The following GRID2IP variants were observed in gnomAD, a reference collection of about 807,000 sequenced individuals.
GRID2IP encodes the protein delphilin.
A neutral mutation model predicts 114.3 loss-of-function variants in GRID2IP; 78 were observed. That is an observed-to-expected ratio of 0.68 (90% CI 0.57 to 0.82). GRID2IP has a LOEUF of 0.82. GRID2IP is among the 40% of genes least tolerant of loss of function. GRID2IP has a pLI of 0.00. For synonymous variants in GRID2IP, 809 were observed against 724.0 expected (o/e 1.12, Z -1.89); for missense variants, 1,727 against 1,678.5 (o/e 1.03, Z -0.51).
chr7:6,548,513 G>T (rs1262446546), intron 1 of GRID2IP, among the ~76,000 whole-genome samples: 1 of 151,704 alleles, frequency 6.6e-6, no homozygotes, highest in Non-Finnish European at 1.5e-5. Context: ...ACACGTATTA[G>T]GTACCCACAA....
chr7:6,550,656 C>T (rs55849620), intron 1 of GRID2IP, among the ~76,000 whole-genome samples: 2,125 of 79,552 alleles, frequency 0.027, 55 homozygotes, highest in African/African-American at 0.11. Flanking sequence ...ACTAAAAATA[C>T]CAAAAAAAAA....
At position 6,506,962 on chromosome 7, in the gene GRID2IP, C is replaced by T. The variant is rs370958514; in HGVS notation, c.2544+1023G>A. Among the ~76,000 whole-genome samples, 47 of 152,174 alleles carry T rather than the reference C, an allele frequency of 3.1e-4. 1 individual carries two copies. In the East Asian group the frequency reaches 8.3e-3, roughly 27 times the overall value. On this transcript the variant is annotated intron_variant, in intron 13 of 21. Coordinates refer to ENST00000457091, the MANE Select transcript of GRID2IP (RefSeq NM_001145118.2). This position sits in a 1 kb window ranked among gnomAD's most constrained non-coding sequence, Gnocchi z 5.2. ...CCTCCCAAAGTGCTGGGATTACAGG[C>T]GTGAACCACCAAGCCTGGCCTCAAT...
intron 1 of GRID2IP, among the ~76,000 whole-genome samples, chr7:6,548,000 T>C (rs1248191850): frequency 6.6e-6 from 1 of 152,228 alleles, no homozygotes; most frequent in Non-Finnish European, 1.5e-5. Flanking sequence ...AGGAAAAGTC[T>C]GTGAGCTTGA....
At chr7:6,540,003 T>A in intron 1 of GRID2IP, 131 bp from the exon 2 acceptor site, 1 of 669,410 alleles carries the variant, frequency 1.5e-6, no homozygotes, top group Non-Finnish European at 2.5e-6. Context: ...ACCTGAGTGC[T>A]ATGCCCATAT....
In GRID2IP at chr7:6,503,499, C is replaced by T. The variant is rs1391097431; in HGVS notation, c.2899G>A (p.Val967Ile). ...PGRLSEPDQF[V>I]LQMLSVPEYK... is the part of the protein sequence containing the mutation. The stretch of plus-strand genomic sequence containing the variant: ...GGTTGTGGTCGCGGCACCTGCAGGA[C>T]GAACTGGTCCGGCTCGCTGAGGCGG... The change falls in exon 16 of 22, where the codon GTC becomes ATC. Residue 967 changes from valine (V) to isoleucine (I), a missense_variant. By Grantham distance (29) the Val-to-Ile change is conservative. Coordinates refer to ENST00000457091, the MANE Select transcript of GRID2IP (RefSeq NM_001145118.2). 3 of 1,524,236 alleles carry T rather than the reference C, an allele frequency of 2.0e-6. No individual in the cohort carries two copies. The highest frequency in any genetic ancestry group is 2.6e-6 in the Non-Finnish European group (3 of 1,142,600). The allele number at this position is 1,524,236 out of a possible 1,614,324, so 94.4% of individuals were successfully genotyped here. A position where few individuals can be genotyped will look rare whatever the true frequency, so the allele number is the denominator to read the frequency against.
Position 6,528,289 on chromosome 7 carries a change from A to C in GRID2IP, c.585-1520T>G, listed in dbSNP as rs1779554982. On this transcript the variant is annotated intron_variant, in intron 2 of 21. Transcript: ENST00000457091. This position sits in a 1 kb window ranked among gnomAD's most constrained non-coding sequence, Gnocchi z 6.0. The stretch of plus-strand genomic sequence containing the variant: ...ACATAGGAGAGACTCAGTCAACAGG[A>C]GATCCACCAGCAGCCTAACCCCATC... Among the ~76,000 whole-genome samples the C allele has an allele frequency of 3.3e-5, 5 of 152,174 alleles. No homozygotes were observed. The South Asian group carries it at 8.3e-4, about 25-fold the overall frequency.
rs1373953139 is a variant in GRID2IP at position 6,534,561 on chromosome 7, A to G, written c.584+5157T>C. 6.6e-6 allele frequency among the ~76,000 whole-genome samples: 1 copy of G among 152,196 alleles called. No individual in the cohort carries two copies. Among genetic ancestry groups the G allele is most frequent in the Non-Finnish European group, 1.5e-5 (1 of 68,040 alleles). Reference sequence around the variant, plus strand: ...TTACAGCAGCAGCGCTGTCCAAGGGAACGTTCTGTGACGATGGACAAGGTC... The same window carrying G: ...TTACAGCAGCAGCGCTGTCCAAGGGGACGTTCTGTGACGATGGACAAGGTC... On this transcript the variant is annotated intron_variant, in intron 2 of 21. Transcript: ENST00000457091. The surrounding 1 kb of genome is among the most constrained non-coding windows in gnomAD (Gnocchi z 4.5).
Position 6,516,117 on chromosome 7 carries a change from T to A in GRID2IP, c.1269-1588A>T, listed in dbSNP as rs78415667. Among the ~76,000 whole-genome samples the A allele has an allele frequency of 4.8e-4, 31 of 64,748 alleles. No individual in the cohort carries two copies. The South Asian group carries it at 8.4e-3, about 18-fold the overall frequency. The allele number at this position is 64,748 out of a possible 152,430, so 42.5% of individuals were successfully genotyped here. On this transcript the variant is annotated intron_variant, in intron 7 of 21. Transcript: ENST00000457091. This position sits in a 1 kb window ranked among gnomAD's most constrained non-coding sequence, Gnocchi z 4.3. Reference sequence around the variant, plus strand: ...GTCTCAAAATAATAATAATAAAAAATAAATAAATAAATAAATAAAAATAAA... The same window carrying A: ...GTCTCAAAATAATAATAATAAAAAAAAAATAAATAAATAAATAAAAATAAA...
At position 6,506,769 on chromosome 7, in the gene GRID2IP, C is replaced by T. The variant is rs1786604453; in HGVS notation, c.2545-862G>A. Among the ~76,000 whole-genome samples the T allele has an allele frequency of 6.6e-6, 1 of 151,656 alleles. No individual in the cohort carries two copies. Among genetic ancestry groups the T allele is most frequent in the Admixed American group, 6.6e-5 (1 of 15,194 alleles). Reference sequence around the variant, plus strand: ...CCATCTTGGCTCACTGCAACCTCCACCTGTGGGAATCAAGTGATTCTCCCT... The same window carrying T: ...CCATCTTGGCTCACTGCAACCTCCATCTGTGGGAATCAAGTGATTCTCCCT... On this transcript the variant is annotated intron_variant, in intron 13 of 21. Transcript: ENST00000457091. The surrounding 1 kb of genome is among the most constrained non-coding windows in gnomAD (Gnocchi z 5.2).
intron 2 of GRID2IP, among the ~76,000 whole-genome samples, chr7:6,529,745 C>G (rs578096629): frequency 1.3e-5 from 2 of 152,244 alleles, no homozygotes; most frequent in South Asian, 4.1e-4. Context: ...GAGTGGCAGT[C>G]CAGCAATCAC....
At chr7:6,543,470 A>AC (rs1384942539) in intron 1 of GRID2IP, among the ~76,000 whole-genome samples, 1 of 150,904 alleles carries the variant, frequency 6.6e-6, no homozygotes, top group African/African-American at 2.4e-5. Flanking sequence ...CCCAGTCTCC[A>AC]CCCCTTTCTT....
intron 4 of GRID2IP, among the ~76,000 whole-genome samples, chr7:6,522,433 G>C (rs1403329937): frequency 1.2e-4 from 19 of 152,052 alleles, no homozygotes; most frequent in Non-Finnish European, 4.4e-5. Context: ...ACTGTTCTTA[G>C]CCCCACACAG....
chr7:6,505,940 G>A lies in GRID2IP; in HGVS notation c.2545-33C>T, dbSNP rs1786570262. On this transcript the variant is annotated intron_variant, in intron 13 of 21. Coordinates refer to ENST00000457091, the MANE Select transcript of GRID2IP (RefSeq NM_001145118.2). ...GGAGGATGGGAGGTTCAGAGTAGGA[G>A]GAGCAGCAGCAGCTGGACTGGCCTC... The A allele has an allele frequency of 3.4e-6, 5 of 1,456,102 alleles. No individual in the cohort carries two copies. The South Asian group carries it at 6.1e-5, about 18-fold the overall frequency. 90.2% of individuals were successfully genotyped at this position (1,456,102 alleles called of 1,614,324 possible).
rs1786705307 is a variant in GRID2IP, at chr7:6,509,664, C to T, written c.1772-351G>A. On this transcript the variant is annotated intron_variant, in intron 11 of 21. Transcript: ENST00000457091. This position sits in a 1 kb window ranked among gnomAD's most constrained non-coding sequence, Gnocchi z 4.9. ...GTCATGGAGCGTCTCGCGCACCCAG[C>T]AAGCCCTGAGATCACAGGAGGGCCT... 6.6e-6 allele frequency among the ~76,000 whole-genome samples: 1 copy of T among 152,204 alleles called. No homozygotes were observed. The highest frequency in any genetic ancestry group is 2.1e-4 in the South Asian group (1 of 4,830).
chr7:6,507,234 G>T lies in GRID2IP; in HGVS notation c.2544+751C>A, dbSNP rs1181740329. On this transcript the variant is annotated intron_variant, in intron 13 of 21. Transcript: ENST00000457091. The surrounding 1 kb of genome is among the most constrained non-coding windows in gnomAD (Gnocchi z 5.3). ...GCCCCTGCCATATTAAAAGGAGTATGATGTCCCAGTCAAAGGAGCTGAGAA... is the reference window on the plus strand; with the variant it reads ...GCCCCTGCCATATTAAAAGGAGTATTATGTCCCAGTCAAAGGAGCTGAGAA... 2.0e-5 allele frequency among the ~76,000 whole-genome samples: 3 copies of T among 152,242 alleles called. No individual in the cohort carries two copies. The highest frequency in any genetic ancestry group is 7.2e-5 in the African/African-American group (3 of 41,474).
intron 18 of GRID2IP, among the ~76,000 whole-genome samples, chr7:6,502,420 T>C (rs1306733504): frequency 1.3e-5 from 2 of 152,164 alleles, no homozygotes; most frequent in Non-Finnish European, 2.9e-5. Flanking sequence ...CTAGCTATGT[T>C]GTCCAGGCTA....
rs752157285 is a variant in GRID2IP at position 6,528,588 on chromosome 7, G to A, written c.585-1819C>T. Among the ~76,000 whole-genome samples the A allele has an allele frequency of 6.6e-6, 1 of 152,228 alleles. No individual in the cohort carries two copies. Among genetic ancestry groups the A allele is most frequent in the Admixed American group, 6.5e-5 (1 of 15,276 alleles). Reference sequence around the variant, plus strand: ...TGCCAGGGCCAAGGGCAAGATGAGGGGGAGAAGGGAGAAGGGATCAGTGGC... The same window carrying A: ...TGCCAGGGCCAAGGGCAAGATGAGGAGGAGAAGGGAGAAGGGATCAGTGGC... On this transcript the variant is annotated intron_variant, in intron 2 of 21. Transcript: ENST00000457091. This position sits in a 1 kb window ranked among gnomAD's most constrained non-coding sequence, Gnocchi z 6.0.
Position 6,521,384 on chromosome 7 carries a change from G to C in GRID2IP, c.1084+45C>G. On this transcript the variant is annotated intron_variant, in intron 6 of 21. Transcript: ENST00000457091. This position sits in a 1 kb window ranked among gnomAD's most constrained non-coding sequence, Gnocchi z 4.1. The stretch of plus-strand genomic sequence containing the variant: ...ACTCTCACATATAGCAGCCTGGGCA[G>C]GGTCTCTGGGGGCCAAGGAAGCCAA... 1.5e-6 allele frequency: 2 copies of C among 1,363,344 alleles called. No individual in the cohort carries two copies. Among genetic ancestry groups the C allele is most frequent in the Non-Finnish European group, 2.0e-6 (2 of 996,520 alleles). 84.5% of individuals were successfully genotyped at this position (1,363,344 alleles called of 1,614,324 possible).
rs150417826 is a variant in GRID2IP at position 6,499,726 on chromosome 7, T to A, written c.3400-1498A>T. ...GATTACAGGCGTGAGCCACAGCGCCTGGACTGCCTTCATTTTATTTTTGAG... is the reference window on the plus strand; with the variant it reads ...GATTACAGGCGTGAGCCACAGCGCCAGGACTGCCTTCATTTTATTTTTGAG... On this transcript the variant is annotated intron_variant, in intron 20 of 21. Coordinates refer to ENST00000457091, the MANE Select transcript of GRID2IP (RefSeq NM_001145118.2). Among the ~76,000 whole-genome samples, 587 of 151,970 alleles carry A rather than the reference T, an allele frequency of 3.9e-3. 2 individuals carry two copies. Among genetic ancestry groups the A allele is most frequent in the African/African-American group, 0.014 (568 of 41,462 alleles).
Sources: allele counts gnomAD v4.1 joint callset (sites outside exome capture counted in the v4.1 genomes callset), GRCh38; gene constraint gnomAD v4.1.1; non-coding constraint Gnocchi (gnomAD v3.1); transcripts MANE v1.5; gene names NCBI Gene and HGNC (gene_info 2026-07-23, HGNC 2026-07-21).